Variants in RHOBTB1 observed in about 807,000 individuals in gnomAD.
RHOBTB1 encodes rho-related BTB domain-containing protein 1.
RHOBTB1 carries 40 observed loss-of-function variants against 71.6 expected under a neutral mutation model. That is an observed-to-expected ratio of 0.56 (90% confidence interval 0.43 to 0.73). RHOBTB1 has a LOEUF of 0.73. RHOBTB1 is among the 30% of genes least tolerant of loss of function. RHOBTB1 has a pLI of 0.00. For missense variants in RHOBTB1, 797 were observed against 894.0 expected (o/e 0.89, Z 1.38); for synonymous variants, 319 against 334.9 (o/e 0.95, Z 0.52).
chr10:60,947,194 A>C (rs984249289), upstream of RHOBTB1, among the ~76,000 whole-genome samples: 3 of 152,228 alleles, frequency 2.0e-5, no homozygotes, highest in African/African-American at 7.2e-5. Flanking sequence ...TGTTATTTCC[A>C]TGAAAAGATC....
intron 1 of RHOBTB1, among the ~76,000 whole-genome samples, chr10:60,999,977 C>T (rs1429593603): frequency 6.6e-6 from 1 of 152,170 alleles, no homozygotes; most frequent in Non-Finnish European, 1.5e-5. Context: ...TATTTTGCTC[C>T]AAACTCATTG....
At chr10:60,925,179 G>A (rs895453326) in intron 2 of RHOBTB1, among the ~76,000 whole-genome samples, 1 of 152,080 alleles carries the variant, frequency 6.6e-6, no homozygotes, top group Non-Finnish European at 1.5e-5. Context: ...AGCTTCCTGA[G>A]GTCTCTCCAG....
chr10:60,954,297 C>A (rs2085512662), intron 2 of RHOBTB1, among the ~76,000 whole-genome samples: 1 of 152,042 alleles, frequency 6.6e-6, no homozygotes, highest in African/African-American at 2.4e-5. Context: ...TATGACAGAC[C>A]AGAGTACCAG....
chr10:60,931,525 T>A (rs559834747), intron 2 of RHOBTB1, among the ~76,000 whole-genome samples: 36 of 152,298 alleles, frequency 2.4e-4, no homozygotes, highest in African/African-American at 8.7e-4. Context: ...CATTACTTTT[T>A]ATGGCTGAAA....
intron 2 of RHOBTB1, among the ~76,000 whole-genome samples, chr10:60,931,106 T>C (rs907735592): frequency 9.8e-5 from 15 of 152,298 alleles, no homozygotes; most frequent in African/African-American, 3.6e-4. Context: ...CTATAACTTG[T>C]TCCTGCCATT....
chr10:60,932,668 G>A (rs2084330526), intron 2 of RHOBTB1, among the ~76,000 whole-genome samples: 1 of 151,992 alleles, frequency 6.6e-6, no homozygotes. Context: ...TTTAGAGATG[G>A]CAAAGATGTT....
intron 9 of RHOBTB1, among the ~76,000 whole-genome samples, chr10:60,874,179 A>C (rs1276501351): frequency 2.0e-5 from 3 of 152,256 alleles, no homozygotes; most frequent in African/African-American, 7.2e-5. Flanking sequence ...CAACAGGCCG[A>C]AGAAAAGACT....
chr10:60,988,574 G>A (rs988496114), intron 1 of RHOBTB1, among the ~76,000 whole-genome samples: 3 of 152,084 alleles, frequency 2.0e-5, no homozygotes, highest in Non-Finnish European at 4.4e-5. Flanking sequence ...TACCAGTTCT[G>A]TGATAATTCC....
rs376295711 is a variant in RHOBTB1, at chr10:60,990,013, C to T, written c.-162-4068G>A. ...TTTTTTTTTTTTTGAGATGGAGTCTCGTTCTGTCGCCTAGGCTGGAGTGCA... is the reference window on the plus strand; with the variant it reads ...TTTTTTTTTTTTTGAGATGGAGTCTTGTTCTGTCGCCTAGGCTGGAGTGCA... On this transcript the variant is annotated intron_variant, in intron 1 of 11. Coordinates refer to the RHOBTB1 transcript ENST00000357917. Among the ~76,000 whole-genome samples, 29 of 134,586 alleles carry T rather than the reference C, an allele frequency of 2.2e-4. No homozygotes were observed. The East Asian group carries it at 5.7e-3, about 26-fold the overall frequency. 88.3% of individuals were successfully genotyped at this position (134,586 alleles called of 152,430 possible).
chr10:60,892,419 G>T (rs1381860652), intron 5 of RHOBTB1, among the ~76,000 whole-genome samples: 1 of 152,154 alleles, frequency 6.6e-6, no homozygotes, highest in Non-Finnish European at 1.5e-5. Flanking sequence ...GTATGAATCT[G>T]ATGTTCTCTG....
intron 4 of RHOBTB1, among the ~76,000 whole-genome samples, chr10:60,901,988 G>A (rs926476562): frequency 1.3e-5 from 2 of 152,168 alleles, no homozygotes; most frequent in Non-Finnish European, 2.9e-5. Flanking sequence ...TGGCACATGG[G>A]TGAGCCCCAG....
At chr10:60,924,770 T>C (rs2083772177) in intron 2 of RHOBTB1, among the ~76,000 whole-genome samples, 1 of 152,132 alleles carries the variant, frequency 6.6e-6, no homozygotes, top group African/African-American at 2.4e-5. Flanking sequence ...TCAAAAATTT[T>C]TAAAAAATTA....
chr10:60,959,478 A>G (rs1321523387), intron 2 of RHOBTB1, among the ~76,000 whole-genome samples: 6 of 152,152 alleles, frequency 3.9e-5, no homozygotes, highest in African/African-American at 1.4e-4. Flanking sequence ...AGTCCATTAA[A>G]AATGTGATTG....
intron 7 of RHOBTB1, among the ~76,000 whole-genome samples, chr10:60,879,742 G>A (rs1185630228): frequency 1.3e-5 from 2 of 151,754 alleles, no homozygotes; most frequent in Non-Finnish European, 2.9e-5. Flanking sequence ...TTATAACATG[G>A]TTACATCTAT....
upstream of RHOBTB1, among the ~76,000 whole-genome samples, chr10:60,947,213 T>A (rs1157361026): frequency 6.6e-6 from 1 of 152,354 alleles, no homozygotes; most frequent in Non-Finnish European, 1.5e-5. Flanking sequence ...TCCATTTTTG[T>A]ATACTAAAAT....
intron 6 of RHOBTB1, among the ~76,000 whole-genome samples, chr10:60,887,838 G>T (rs748291452): frequency 1.5e-4 from 23 of 152,190 alleles, no homozygotes; most frequent in Non-Finnish European, 2.8e-4. Flanking sequence ...GCCCACTGGA[G>T]ATAGGCTTGG....
chr10:60,999,131 A>G (rs2087164550), intron 1 of RHOBTB1, among the ~76,000 whole-genome samples: 1 of 152,204 alleles, frequency 6.6e-6, no homozygotes, highest in Non-Finnish European at 1.5e-5. Flanking sequence ...TGTCAAATCA[A>G]GACAAAGTAG....
At chr10:60,883,099 C>T (rs964556126) in intron 7 of RHOBTB1, among the ~76,000 whole-genome samples, 3 of 152,062 alleles carry the variant, frequency 2.0e-5, no homozygotes, top group Admixed American at 1.3e-4. Flanking sequence ...AGTGAAGGGA[C>T]GGGAAGGGGC....
chr10:60,888,676 T>G lies in RHOBTB1; in HGVS notation c.992A>C (p.Glu331Ala). ...QGRILSVDPE[E>A]EREEGPPRIP... ...CCTAGGCGGGCCCTCCTCCCTTTCT[T>G]CCTCTGGGTCGACACTCAATATCCG... Residue 331 changes from glutamate to alanine, a missense_variant, in exon 6 of 11, where the codon GAA (glutamate) becomes GCA (alanine). Physicochemically the swap from Glu to Ala is moderately radical, Grantham distance 107 (BLOSUM62 -1). Transcript: ENST00000337910. 3 of 1,614,176 alleles carry G rather than the reference T, an allele frequency of 1.9e-6. No homozygotes were observed. Among genetic ancestry groups the G allele is most frequent in the Non-Finnish European group, 2.5e-6 (3 of 1,180,028 alleles).
Sources: allele counts gnomAD v4.1 joint callset (sites outside exome capture counted in the v4.1 genomes callset), GRCh38; gene constraint gnomAD v4.1.1; transcripts MANE v1.5; gene names NCBI Gene and HGNC (gene_info 2026-07-23, HGNC 2026-07-21).